The following MYH2 variants were observed in gnomAD, a reference collection of about 807,000 sequenced individuals.
MYH2 encodes myosin heavy chain 2.
Under a neutral mutation model 228.1 loss-of-function variants are expected in MYH2, and 139 were observed. The observed-to-expected ratio is 0.61, with a 90% CI of 0.53 to 0.70. The LOEUF is 0.70. Ranked by LOEUF, MYH2 falls within the 30% of genes least tolerant of loss-of-function variation. The pLI is 0.00. For synonymous variants in MYH2, 796 were observed against 871.1 expected (o/e 0.91, Z 1.52); for missense variants, 1,809 against 2,357.5 (o/e 0.77, Z 4.82).
At position 10,537,717 on chromosome 17, in the gene MYH2, G is replaced by A. The variant is rs376478405; in HGVS notation, c.1535C>T (p.Thr512Met). The A allele has an allele frequency of 6.4e-5, 103 of 1,614,164 alleles. No homozygotes were observed. Among genetic ancestry groups the A allele is most frequent in the Non-Finnish European group, 8.1e-5 (96 of 1,180,028 alleles). ...CAGGTCCATCCCGAAGTCGATGAAC[G>A]TCCACTCGATGCCTTCCTTCTTGTA... Reference protein sequence around the residue: ...EEYKKEGIEWTFIDFGMDLAA... With the variant: ...EEYKKEGIEWMFIDFGMDLAA... The change falls in exon 15 of 40, where the codon ACG becomes ATG. Residue 512 changes from threonine (T) to methionine (M), a missense_variant. By Grantham distance (81) the Thr-to-Met change is moderately conservative (BLOSUM62 -1). Coordinates refer to ENST00000245503, the MANE Select transcript of MYH2 (RefSeq NM_017534.6). This position sits in a 1 kb window ranked among gnomAD's most constrained non-coding sequence, Gnocchi z 4.0.
In MYH2 at chr17:10,527,729, C is replaced by T. The variant is rs1413008183; in HGVS notation, c.3871+19G>A. The T allele has an allele frequency of 2.5e-6, 4 of 1,613,926 alleles. No homozygotes were observed. The East Asian group carries it at 8.9e-5, about 36-fold the overall frequency. On this transcript the variant is annotated intron_variant, in intron 28 of 39. Coordinates refer to ENST00000245503, the MANE Select transcript of MYH2 (RefSeq NM_017534.6). Reference sequence around the variant, plus strand: ...ACATCCTCTCCACCCTGAAGCTGCACAGAAGAGGGGAGAGTTACCAGATTC... The same window carrying T: ...ACATCCTCTCCACCCTGAAGCTGCATAGAAGAGGGGAGAGTTACCAGATTC...
intron 30 of MYH2, 110 bp downstream of exon 30, chr17:10,526,489 A>G (rs755655917): frequency 5.2e-6 from 8 of 1,538,716 alleles, no homozygotes; most frequent in Admixed American, 1.7e-5. Flanking sequence ...TGGCACATAA[A>G]AGCAGATTAA....
Position 10,524,926 on chromosome 17 carries a change from T to C in MYH2, c.4802A>G (p.Glu1601Gly). The change falls in exon 34 of 40, where the codon GAG (glutamate) becomes GGG (glycine). Residue 1601 changes from glutamate to glycine, a missense_variant. By Grantham distance (98) the Glu-to-Gly change is moderately conservative (BLOSUM62 -2). Transcript: ENST00000245503. The surrounding 1 kb of genome is among the most constrained non-coding windows in gnomAD (Gnocchi z 4.7). ...QLKRNHIRIV[E>G]SMQSTLDAEI... Reference sequence around the variant, plus strand: ...AGCATCCAGCGTGCTCTGCATGGACTCCACGATTCTAATGTGGTTTCTCTT... The same window carrying C: ...AGCATCCAGCGTGCTCTGCATGGACCCCACGATTCTAATGTGGTTTCTCTT... The C allele has an allele frequency of 6.2e-7, 1 of 1,614,154 alleles. No homozygotes were observed. The highest frequency in any genetic ancestry group is 8.5e-7 in the Non-Finnish European group (1 of 1,180,030).
At position 10,525,979 on chromosome 17, in the gene MYH2, C is replaced by T; in HGVS notation, c.4188-103G>A. On this transcript the variant is annotated intron_variant, in intron 30 of 39. Transcript: ENST00000245503. This position sits in a 1 kb window ranked among gnomAD's most constrained non-coding sequence, Gnocchi z 4.2. ...TGTTAGAAACTTCACATTAATGCTG[C>T]CCAGCCACCTTTCATTCTTTCAACA... The T allele has an allele frequency of 7.8e-7, 1 of 1,274,488 alleles. No individual in the cohort carries two copies. Among genetic ancestry groups the T allele is most frequent in the Non-Finnish European group, 1.1e-6 (1 of 908,610 alleles). 78.9% of individuals were successfully genotyped at this position (1,274,488 alleles called of 1,614,324 possible). A position where few individuals can be genotyped will look rare whatever the true frequency, so the allele number is the denominator to read the frequency against.
Position 10,548,496 on chromosome 17 carries a change from C to T in MYH2, c.-20-556G>A, listed in dbSNP as rs182056224. Among the ~76,000 whole-genome samples, 304 of 152,306 alleles carry T rather than the reference C, an allele frequency of 2.0e-3. 1 individual carries two copies. The highest frequency in any genetic ancestry group is 7.1e-3 in the African/African-American group (294 of 41,564). ...AACTTTATTTCCTCCTTTACCTGTT[C>T]AGCCAGATTTGTTGAAGTTCAGTGG... On this transcript the variant is annotated intron_variant, in intron 2 of 39. Coordinates refer to ENST00000245503, the MANE Select transcript of MYH2 (RefSeq NM_017534.6).
intron 8 of MYH2, 130 bp downstream of exon 8, chr17:10,543,581 T>TGG: frequency 1.5e-6 from 2 of 1,365,684 alleles, no homozygotes; most frequent in South Asian, 1.2e-5. Context: ...TGTTATTACA[T>TGG]GCTCAGAGGA....
Position 10,524,679 on chromosome 17 carries a change from A to G in MYH2, c.4972-10T>C. The G allele has an allele frequency of 1.2e-6, 2 of 1,614,248 alleles. No individual in the cohort carries two copies. Among genetic ancestry groups the G allele is most frequent in the Non-Finnish European group, 1.7e-6 (2 of 1,180,050 alleles). ...GGTGGATCTGGGTATCCTGTGAAAC[A>G]AACCATCATTGAGACATCATGTTCT... is the stretch of plus-strand genomic sequence containing the variant. On this transcript the variant is annotated splice_polypyrimidine_tract_variant and intron_variant, in intron 34 of 39. Transcript: ENST00000245503. This position sits in a 1 kb window ranked among gnomAD's most constrained non-coding sequence, Gnocchi z 4.7.
In MYH2 at chr17:10,525,193, A is replaced by AT. The variant is rs771022661; in HGVS notation, c.4662+30dup. ...GCAGATGTACCTAATTATTTTCCAGATTTTTTTATAATGCACAATTTTACA... is the reference window on the plus strand; with the variant it reads ...GCAGATGTACCTAATTATTTTCCAGATTTTTTTTATAATGCACAATTTTACA... On this transcript the variant is annotated intron_variant, in intron 33 of 39. Coordinates refer to ENST00000245503, the MANE Select transcript of MYH2 (RefSeq NM_017534.6). This position sits in a 1 kb window ranked among gnomAD's most constrained non-coding sequence, Gnocchi z 4.2. The AT allele has an allele frequency of 1.2e-6, 2 of 1,613,762 alleles. No homozygotes were observed. Among genetic ancestry groups the AT allele is most frequent in the African/African-American group, 1.3e-5 (1 of 74,856 alleles).
chr17:10,525,757 A>G lies in MYH2; in HGVS notation c.4307T>C (p.Leu1436Pro). ...RLQNEVEDLM[L>P]DVERTNAACA... ...GGCGGCATTTGTCCTCTCCACATCAAGCATGAGGTCCTCGACCTCATTCTG... is the reference window on the plus strand; with the variant it reads ...GGCGGCATTTGTCCTCTCCACATCAGGCATGAGGTCCTCGACCTCATTCTG... Residue 1436 changes from leucine (L) to proline (P), a missense_variant, in exon 31 of 40, where the codon CTT becomes CCT. This residue lies in a region of MYH2 where 636 missense variants were observed against 729.9 expected (regional missense o/e 0.87). Transcript: ENST00000245503. This position sits in a 1 kb window ranked among gnomAD's most constrained non-coding sequence, Gnocchi z 4.2. 6.2e-7 allele frequency: 1 copy of G among 1,614,198 alleles called. No homozygotes were observed. Among genetic ancestry groups the G allele is most frequent in the Non-Finnish European group, 8.5e-7 (1 of 1,180,020 alleles).
chr17:10,547,616 A>T lies in MYH2; in HGVS notation c.207T>A (p.Thr69=). 23 of 1,614,198 alleles carry T rather than the reference A, an allele frequency of 1.4e-5. No homozygotes were observed. Among genetic ancestry groups the T allele is most frequent in the Non-Finnish European group, 1.9e-5 (23 of 1,180,046 alleles). ...AGACCTGATCATCCTTCACTGTCAG[A>T]GTCTGGTAAACAGGAAAGATAACCG... ...KVTVKTEGGA[T]LTVKDDQVFP... The change falls in exon 4 of 40, where the codon ACT becomes ACA. Residue 69 remains threonine, a splice_region_variant and synonymous_variant. Coordinates refer to ENST00000245503, the MANE Select transcript of MYH2 (RefSeq NM_017534.6).
chr17:10,541,408 C>T (rs1431353122), intron 10 of MYH2, among the ~76,000 whole-genome samples: 1 of 152,102 alleles, frequency 6.6e-6, no homozygotes, highest in Non-Finnish European at 1.5e-5. Flanking sequence ...TCTCCTTTAG[C>T]GCTCCCAGGC....
chr17:10,540,232 A>T (rs1359578708), intron 11 of MYH2, among the ~76,000 whole-genome samples, 166 bp from the exon 12 acceptor site: 1 of 152,150 alleles, frequency 6.6e-6, no homozygotes, highest in Non-Finnish European at 1.5e-5. Context: ...GCCAGCACAG[A>T]GCATTAGAAT....
chr17:10,527,273 CT>C (rs2073367008), intron 28 of MYH2, among the ~76,000 whole-genome samples: 1 of 152,160 alleles, frequency 6.6e-6, no homozygotes, highest in South Asian at 2.1e-4. Context: ...TCCTTTTGTC[CT>C]TTCCATAACT....
Position 10,524,657 on chromosome 17 carries a change from G to A in MYH2, c.4984C>T (p.His1662Tyr), listed in dbSNP as rs867066856. ...TGGCTCCGGAGAGCATCATCCAGGT[G>A]GATCTGGGTATCCTGTGAAACAAAC... ...TQGILKDTQI[H>Y]LDDALRSQED... The change falls in exon 35 of 40, where the codon CAC becomes TAC. Residue 1662 changes from histidine (H) to tyrosine (Y), a missense_variant. Physicochemically the swap from His to Tyr is moderately conservative, Grantham distance 83. Transcript: ENST00000245503. The surrounding 1 kb of genome is among the most constrained non-coding windows in gnomAD (Gnocchi z 4.7). 4.3e-6 allele frequency: 7 copies of A among 1,614,222 alleles called. No individual in the cohort carries two copies. The highest frequency in any genetic ancestry group is 5.9e-6 in the Non-Finnish European group (7 of 1,180,052).
chr17:10,523,630 C>T lies in MYH2; in HGVS notation c.5338G>A (p.Asp1780Asn), dbSNP rs2073312002. Residue 1780 changes from aspartate to asparagine, a missense_variant, in exon 37 of 40, where the codon GAC becomes AAC. Transcript: ENST00000245503. ...MMAEELKKEQ[D>N]TSAHLERMKK... ...ATCCGCTCCAGGTGGGCGCTGGTGT[C>T]CTGCTCCTTCTTCAGCTCCTCAGCC... The T allele has an allele frequency of 6.2e-7, 1 of 1,614,214 alleles. No individual in the cohort carries two copies. Among genetic ancestry groups the T allele is most frequent in the Non-Finnish European group, 8.5e-7 (1 of 1,180,038 alleles).
At chr17:10,541,363 T>TTTACAG (rs1444478853) in intron 10 of MYH2, among the ~76,000 whole-genome samples, 3 of 152,156 alleles carry the variant, frequency 2.0e-5, no homozygotes, top group African/African-American at 7.2e-5. Context: ...AATGTTGTCT[T>TTTACAG]TTACAGTTGT....
chr17:10,538,200 C>G (rs1353053966), intron 14 of MYH2, among the ~76,000 whole-genome samples: 1 of 152,040 alleles, frequency 6.6e-6, no homozygotes, highest in East Asian at 1.9e-4. Flanking sequence ...TAGGAGCCAA[C>G]TTGCAACCCA....
chr17:10,541,397 G>A (rs2073553010), intron 10 of MYH2, among the ~76,000 whole-genome samples: 1 of 152,124 alleles, frequency 6.6e-6, no homozygotes, highest in African/African-American at 2.4e-5. Context: ...AATAAGCCTG[G>A]TCTCCTTTAG....
rs774125221 is a variant in MYH2, at chr17:10,545,011, A to ATGTGTG, written c.505+334_505+335insCACACA. Among the ~76,000 whole-genome samples the ATGTGTG allele has an allele frequency of 2.8e-3, 312 of 112,102 alleles. 2 individuals carry two copies. The highest frequency in any genetic ancestry group is 8.0e-3 in the African/African-American group (264 of 33,032). The allele number at this position is 112,102 out of a possible 152,430, so 73.5% of individuals were successfully genotyped here. On this transcript the variant is annotated intron_variant, in intron 5 of 39. Transcript: ENST00000245503. ...AGTTTGTATGTGTGATTGTGCGTGC[A>ATGTGTG]TGAGTGTGTGTGTGTGTGTGTATAT...
Sources: gnomAD v4.1 joint callset for allele counts (sites outside exome capture counted in the v4.1 genomes callset) on GRCh38, gnomAD v4.1.1 for gene constraint, gnomAD v4.1.1 regional missense constraint, Gnocchi (gnomAD v3.1) non-coding constraint, MANE v1.5 for transcripts, NCBI Gene and HGNC (gene_info 2026-07-23, HGNC 2026-07-21) for gene names.